The following TENM2 variants were observed in gnomAD, a reference collection of about 807,000 sequenced individuals.
TENM2 encodes teneurin transmembrane protein 2.
TENM2 carries 52 observed loss-of-function variants against 245.2 expected under a neutral mutation model. The ratio of observed to expected loss-of-function variants is 0.21; its 90% confidence interval spans 0.17 to 0.27. The LOEUF (loss-of-function observed/expected upper bound fraction) is 0.27, where lower values mean the gene tolerates loss of function less well. Ranked by LOEUF, TENM2 falls within the 10% of genes least tolerant of loss-of-function variation. The pLI, the probability that TENM2 is intolerant of heterozygous loss-of-function variation, is 1.00. For synonymous variants in TENM2, 1,363 were observed against 1,438.9 expected, an observed-to-expected ratio of 0.95 and a Z score of 1.19; for missense variants, 3,046 against 3,666.8, an observed-to-expected ratio of 0.83 and a Z score of 4.37.
chr5:167,483,097 A>C (rs1021748937), intron 2 of TENM2, among the ~76,000 whole-genome samples: 3 of 152,102 alleles, frequency 2.0e-5, no homozygotes, highest in Admixed American at 6.5e-5. Context: ...CCTTTTCCTC[A>C]CTTGTAACAT....
chr5:167,477,742 C>G (rs1049880973), intron 2 of TENM2, among the ~76,000 whole-genome samples: 13 of 151,958 alleles, frequency 8.6e-5, no homozygotes, highest in African/African-American at 3.1e-4. Context: ...TTTCTTCCTT[C>G]TCCACTTTGC....
chr5:167,902,176 G>T (rs1393353589), intron 3 of TENM2, among the ~76,000 whole-genome samples: 1 of 152,158 alleles, frequency 6.6e-6, no homozygotes, highest in Non-Finnish European at 1.5e-5. Context: ...AGTGGGGAGT[G>T]GGGTGGGGTG....
At chr5:167,629,555 C>G (rs1008356137) in intron 2 of TENM2, among the ~76,000 whole-genome samples, 4 of 152,074 alleles carry the variant, frequency 2.6e-5, no homozygotes, top group African/African-American at 7.2e-5. Flanking sequence ...CATAGAAAAT[C>G]CAGGACTGAG....
intron 3 of TENM2, among the ~76,000 whole-genome samples, chr5:167,947,374 C>A (rs1779714138): frequency 2.0e-5 from 3 of 152,156 alleles, no homozygotes; most frequent in Admixed American, 2.0e-4. Context: ...ACTCTCCTAA[C>A]AATCATGTAT....
intron 2 of TENM2, among the ~76,000 whole-genome samples, chr5:167,776,626 A>AAAAAAAAAAAAAAAAAAAAAATAAT (rs1763817407): frequency 2.8e-5 from 1 of 35,590 alleles, no homozygotes; most frequent in African/African-American, 1.2e-4. Flanking sequence ...AAAAAAAAAA[A>AAAAAAAAAAAAAAAAAAAAAATAAT]CCATATATAT....
At chr5:168,208,843 TA>T (rs1762574724) in intron 19 of TENM2, among the ~76,000 whole-genome samples, 1 of 152,042 alleles carries the variant, frequency 6.6e-6, no homozygotes, top group Non-Finnish European at 1.5e-5. Context: ...AAATTATAAA[TA>T]TGAAATGAGA....
At chr5:166,999,114 A>T in the TENM2 span, among the ~76,000 whole-genome samples, 19 of 151,668 alleles carry the variant, frequency 1.3e-4, no homozygotes, top group Admixed American at 2.0e-4. Context: ...TTCTGTGGAG[A>T]TGGAAAGTAC....
chr5:167,148,174 C>T, the TENM2 span, among the ~76,000 whole-genome samples: 5 of 152,300 alleles, frequency 3.3e-5, no homozygotes, highest in South Asian at 2.1e-4. Context: ...TGTTCCACAA[C>T]CCCTGTGGCT....
chr5:167,782,012 T>C (rs1764218691), intron 2 of TENM2, among the ~76,000 whole-genome samples: 1 of 150,522 alleles, frequency 6.6e-6, no homozygotes, highest in Admixed American at 6.6e-5. Context: ...GTGTCCAAAA[T>C]AAATAAAAAA....
At chr5:167,597,187 CAA>C (rs1776285648) in intron 2 of TENM2, among the ~76,000 whole-genome samples, 1 of 100,158 alleles carries the variant, frequency 1.0e-5, no homozygotes, top group East Asian at 3.1e-4. Flanking sequence ...TTTTTTGAGA[CAA>C]AGTTTTTCTC....
At chr5:167,087,268 T>A in the TENM2 span, among the ~76,000 whole-genome samples, 3 of 152,184 alleles carry the variant, frequency 2.0e-5, no homozygotes, top group Non-Finnish European at 4.4e-5. Context: ...CATAGATCTT[T>A]GCATGGCCTT....
At chr5:167,916,674 C>T (rs531683460) in intron 3 of TENM2, among the ~76,000 whole-genome samples, 54 of 152,186 alleles carry the variant, frequency 3.5e-4, no homozygotes, top group South Asian at 2.1e-3. Flanking sequence ...AAGGCTGAGA[C>T]GCCTGTGAGC....
chr5:167,996,179 A>G (rs7711388), intron 5 of TENM2, among the ~76,000 whole-genome samples: 4,805 of 152,248 alleles, frequency 0.032, 255 homozygotes, highest in African/African-American at 0.11. Context: ...AAGTTCTTCC[A>G]TAGATCCAGG....
chr5:167,885,634 A>C (rs1246241006), intron 3 of TENM2, among the ~76,000 whole-genome samples: 1 of 152,154 alleles, frequency 6.6e-6, no homozygotes, highest in Non-Finnish European at 1.5e-5. Flanking sequence ...CTGTCCAAAA[A>C]ACAAAAATAC....
In TENM2 at chr5:168,193,473, G is replaced by A. The variant is rs1026644360; in HGVS notation, c.2781-1703G>A. Reference sequence around the variant, plus strand: ...AATCATAAATAGAAATGAACTGATAGTATGTCTTAGCTGAATCTTTTCTGC... The same window carrying A: ...AATCATAAATAGAAATGAACTGATAATATGTCTTAGCTGAATCTTTTCTGC... On this transcript the variant is annotated intron_variant, in intron 14 of 28. Transcript: ENST00000518659. Among the ~76,000 whole-genome samples the A allele has an allele frequency of 1.1e-4, 17 of 152,296 alleles. No homozygotes were observed. The East Asian group carries it at 2.3e-3, about 21-fold the overall frequency.
intron 23 of TENM2, among the ~76,000 whole-genome samples, chr5:168,224,997 AAGAGG>A (rs1204901562): frequency 1.3e-5 from 2 of 152,186 alleles, no homozygotes; most frequent in African/African-American, 2.4e-5. Context: ...GGTGTGAGAA[AAGAGG>A]AAAGACGACA....
the TENM2 span, among the ~76,000 whole-genome samples, chr5:167,088,132 T>G: frequency 5.7e-3 from 864 of 152,116 alleles, 5 homozygotes; most frequent in Non-Finnish European, 7.3e-3. Flanking sequence ...ATGCTCAGAG[T>G]GGAACAAGCT....
At chr5:168,204,290 C>G in intron 18 of TENM2, 82 bp from the exon 21 acceptor site, 629 of 1,385,298 alleles carry the variant, frequency 4.5e-4, no homozygotes, top group Non-Finnish European at 5.5e-4. Flanking sequence ...TAATTTGTCT[C>G]TTCCCCTCCC....
intron 3 of TENM2, among the ~76,000 whole-genome samples, chr5:167,888,132 C>T (rs72835641): frequency 0.034 from 5,132 of 152,314 alleles, 126 homozygotes; most frequent in Middle Eastern, 0.071. Context: ...ACATTCCCAG[C>T]TATCAAGAGT....
Sources: allele counts gnomAD v4.1 joint callset (sites outside exome capture counted in the v4.1 genomes callset), GRCh38; gene constraint gnomAD v4.1.1; transcripts MANE v1.5; gene names NCBI Gene and HGNC (gene_info 2026-07-23, HGNC 2026-07-21).